Variants in GALNT14 observed in about 807,000 individuals in gnomAD.
GALNT14 encodes the protein UDP-GalNAc:polypeptide N-acetylgalactosaminyltransferase 14.
Under a neutral mutation model 77.5 loss-of-function variants are expected in GALNT14, and 60 were observed. The ratio of observed to expected loss-of-function variants is 0.77; its 90% CI spans 0.63 to 0.96. The LOEUF (loss-of-function observed/expected upper bound fraction) is 0.96, where lower values mean the gene tolerates loss of function less well. Among genes scored for constraint, GALNT14 ranks in the 40% least tolerant of loss-of-function variants. The probability of loss-of-function intolerance (pLI) is 0.00; values close to 1 mark genes in which losing one functional copy is unlikely to be tolerated. For synonymous variants in GALNT14, 280 were observed against 281.7 expected (o/e 0.99, Z 0.06); for missense variants, 710 against 731.0 (o/e 0.97, Z 0.33).
intron 6 of GALNT14, among the ~76,000 whole-genome samples, chr2:30,949,526 T>G (rs1666902793): frequency 6.6e-6 from 1 of 151,992 alleles, no homozygotes; most frequent in Admixed American, 6.6e-5. Context: ...TCCTCTCCCC[T>G]CCTCCAAGCA....
chr2:30,979,810 C>A (rs978978634), intron 2 of GALNT14, among the ~76,000 whole-genome samples: 2 of 152,118 alleles, frequency 1.3e-5, no homozygotes, highest in Non-Finnish European at 2.9e-5. Context: ...TGTCTGCCAC[C>A]CTCGGCTCAG....
At position 30,990,107 on chromosome 2, in the gene GALNT14, A is replaced by G. The variant is rs72855256; in HGVS notation, c.299+2731T>C. ...GATGTCTATGGCAAGGTGGGGAGAC[A>G]TAGCTGGTTGTCACAACTTGGGGAA... On this transcript the variant is annotated intron_variant, in intron 2 of 14. Transcript: ENST00000349752. 6.2e-3 allele frequency among the ~76,000 whole-genome samples: 950 copies of G among 152,298 alleles called. 11 individuals carry two copies. Among genetic ancestry groups the G allele is most frequent in the African/African-American group, 0.021 (893 of 41,570 alleles).
At chr2:31,034,734 A>G (rs970580493) in intron 1 of GALNT14, among the ~76,000 whole-genome samples, 4 of 152,176 alleles carry the variant, frequency 2.6e-5, no homozygotes, top group Non-Finnish European at 5.9e-5. Flanking sequence ...TATAGCCTTA[A>G]GTTTCCCTTT....
chr2:30,889,178 C>A, the GALNT14 span, among the ~76,000 whole-genome samples: 1 of 152,016 alleles, frequency 6.6e-6, no homozygotes, highest in South Asian at 2.1e-4. Flanking sequence ...TGCAGCACGA[C>A]CAAAATAAAG....
intron 13 of GALNT14, among the ~76,000 whole-genome samples, chr2:30,923,250 G>A (rs1186563427): frequency 6.6e-6 from 1 of 151,974 alleles, no homozygotes; most frequent in African/African-American, 2.4e-5. Context: ...TTTTAGTAGA[G>A]ACAGGGTTTC....
rs116115883 is a variant in GALNT14, at chr2:30,996,405, G to A, written c.130-3398C>T. On this transcript the variant is annotated intron_variant, in intron 1 of 14. Transcript: ENST00000349752. ...AGGACAAGGAGACCAGCTGGGAAGC[G>A]GCCTCAGCCATCTAGCCAGGTGGGA... Among the ~76,000 whole-genome samples, 1,461 of 152,344 alleles carry A rather than the reference G, an allele frequency of 9.6e-3. 25 individuals carry two copies. The highest frequency in any genetic ancestry group is 0.033 in the African/African-American group (1,364 of 41,570).
intron 1 of GALNT14, among the ~76,000 whole-genome samples, chr2:31,041,405 G>A (rs551236939): frequency 6.6e-6 from 1 of 152,192 alleles, no homozygotes; most frequent in Non-Finnish European, 1.5e-5. Context: ...TTCTTGGAAA[G>A]ATGGACAGGA....
intron 1 of GALNT14, among the ~76,000 whole-genome samples, chr2:30,995,964 G>A (rs1212933009): frequency 1.3e-5 from 2 of 152,214 alleles, no homozygotes; most frequent in African/African-American, 4.8e-5. Flanking sequence ...CTGAACGCAG[G>A]AAAAGCCATG....
At chr2:30,968,753 CTTG>C (rs1668163642) in intron 2 of GALNT14, among the ~76,000 whole-genome samples, 1 of 152,210 alleles carries the variant, frequency 6.6e-6, no homozygotes, top group Admixed American at 6.5e-5. Context: ...ATCGATGATT[CTTG>C]TTGTTTTACA....
At chr2:31,100,890 G>C (rs992892490) in intron 1 of GALNT14, among the ~76,000 whole-genome samples, 1 of 151,954 alleles carries the variant, frequency 6.6e-6, no homozygotes, top group Non-Finnish European at 1.5e-5. Flanking sequence ...CGTATGATTA[G>C]GCAAAATCAT....
chr2:31,038,821 C>T (rs1443468815), intron 1 of GALNT14, among the ~76,000 whole-genome samples: 1 of 151,578 alleles, frequency 6.6e-6, no homozygotes, highest in Admixed American at 6.6e-5. Context: ...TCTCGGCTCA[C>T]AGCAACCTCT....
intron 1 of GALNT14, among the ~76,000 whole-genome samples, chr2:31,072,252 T>TTC (rs752845986): frequency 5.0e-4 from 68 of 137,236 alleles, no homozygotes; most frequent in Non-Finnish European, 8.8e-4. Context: ...CTCCTCTCTT[T>TTC]TCTCTCTCTC....
At chr2:30,969,532 A>G (rs1314878508) in intron 2 of GALNT14, among the ~76,000 whole-genome samples, 1 of 152,230 alleles carries the variant, frequency 6.6e-6, no homozygotes, top group Non-Finnish European at 1.5e-5. Context: ...CCACAGTGAC[A>G]CAGATGCATG....
intron 2 of GALNT14, among the ~76,000 whole-genome samples, chr2:30,985,792 A>G (rs566731857): frequency 9.8e-5 from 15 of 152,296 alleles, no homozygotes; most frequent in African/African-American, 2.9e-4. Context: ...TGTTTGCAAA[A>G]GCTAAGTATC....
chr2:31,053,335 A>G (rs1191502653), intron 1 of GALNT14, among the ~76,000 whole-genome samples: 2 of 152,058 alleles, frequency 1.3e-5, no homozygotes, highest in African/African-American at 4.8e-5. Flanking sequence ...AGACAGTTAT[A>G]ACGCCTGAAC....
chr2:30,954,508 G>T (rs751436772), intron 6 of GALNT14, among the ~76,000 whole-genome samples: 4 of 152,146 alleles, frequency 2.6e-5, no homozygotes, highest in African/African-American at 9.7e-5. Context: ...AGTGGAAGAC[G>T]AGCCATCCCA....
At chr2:30,960,449 T>C (rs762610990) in intron 3 of GALNT14, among the ~76,000 whole-genome samples, 1 of 151,972 alleles carries the variant, frequency 6.6e-6, no homozygotes, top group African/African-American at 2.4e-5. Context: ...AACTGAGAGA[T>C]GATTAGTGAA....
intron 1 of GALNT14, chr2:31,114,865 C>T (rs927532299): frequency 1.8e-5 from 13 of 712,914 alleles, no homozygotes; most frequent in African/African-American, 1.4e-4. Context: ...TCATGAGCTC[C>T]AAACAGAGAG....
intron 1 of GALNT14, chr2:31,065,199 G>C (rs374391158): frequency 3.3e-5 from 5 of 151,882 alleles, no homozygotes; most frequent in Non-Finnish European, 7.4e-5. Context: ...ATATTATGTG[G>C]ATGCTTGAGG....
Sources: allele counts gnomAD v4.1 joint callset (sites outside exome capture counted in the v4.1 genomes callset), GRCh38; gene constraint gnomAD v4.1.1; transcripts MANE v1.5; gene names NCBI Gene and HGNC (gene_info 2026-07-23, HGNC 2026-07-21).